Variants in GLIS3 observed in about 807,000 individuals in gnomAD.
GLIS3 encodes the protein zinc finger protein GLIS3.
A neutral mutation model predicts 78.6 loss-of-function variants in GLIS3; 53 were observed. The ratio of observed to expected loss-of-function variants is 0.67; its 90% CI spans 0.54 to 0.85. The LOEUF is 0.85. Among genes scored for constraint, GLIS3 ranks in the 40% least tolerant of loss-of-function variants. GLIS3 has a pLI of 0.00. For missense variants in GLIS3, 1,703 were observed against 1,231.1 expected (o/e 1.38, Z -5.74); for synonymous variants, 684 against 509.9 (o/e 1.34, Z -4.60).
chr9:3,879,718 G>C (rs543273086), intron 7 of GLIS3, 123 bp from the exon 8 acceptor site: 1 of 1,023,144 alleles, frequency 9.8e-7, no homozygotes, highest in Non-Finnish European at 1.5e-6. Flanking sequence ...GTGGTTTTCA[G>C]GGAACAGTTC....
At chr9:4,059,050 G>A (rs377442411) in intron 4 of GLIS3, among the ~76,000 whole-genome samples, 79 of 152,028 alleles carry the variant, frequency 5.2e-4, no homozygotes, top group African/African-American at 1.6e-3. Context: ...GCTAGTTGAC[G>A]AAGGGGACCC....
chr9:3,950,835 T>C (rs1183510547), intron 4 of GLIS3, among the ~76,000 whole-genome samples: 1 of 152,236 alleles, frequency 6.6e-6, no homozygotes, highest in Non-Finnish European at 1.5e-5. Context: ...AAGTTATTCA[T>C]ATTAAAATGC....
At chr9:4,015,933 G>A (rs894964762) in intron 4 of GLIS3, among the ~76,000 whole-genome samples, 12 of 147,614 alleles carry the variant, frequency 8.1e-5, no homozygotes, top group South Asian at 2.2e-4. Flanking sequence ...CACAACAACC[G>A]TCATAACCAA....
chr9:3,970,143 T>C (rs1464412176), intron 4 of GLIS3, among the ~76,000 whole-genome samples: 3 of 152,224 alleles, frequency 2.0e-5, no homozygotes, highest in Non-Finnish European at 4.4e-5. Context: ...AGGGTGGTTT[T>C]CAGAGCTGGT....
chr9:4,118,776 G>C lies in GLIS3; in HGVS notation c.702C>G (p.Leu234=). ...GAGAGCCGTGGTTGGAGAGCGAAGG[G>C]AGGGCCCTGTAGCCCTGGGACCACT... The part of the protein sequence containing the change: ...KQEWSQGYRA[L]PSLSNHGSQN... The change falls in exon 4 of 11, where the codon CTC becomes CTG. Residue 234 remains leucine, a synonymous_variant. Transcript: ENST00000381971. The surrounding 1 kb of genome is among the most constrained non-coding windows in gnomAD (Gnocchi z 4.7). 8 of 1,612,816 alleles carry C rather than the reference G, an allele frequency of 5.0e-6. No homozygotes were observed. Among genetic ancestry groups the C allele is most frequent in the Non-Finnish European group, 6.8e-6 (8 of 1,180,022 alleles).
At chr9:4,428,923 T>C in the GLIS3 span, among the ~76,000 whole-genome samples, 2 of 152,106 alleles carry the variant, frequency 1.3e-5, no homozygotes, top group African/African-American at 4.8e-5. Context: ...CCCATACCAA[T>C]TCATCACTAA....
chr9:4,051,474 A>C (rs1825743877), intron 4 of GLIS3, among the ~76,000 whole-genome samples: 1 of 152,152 alleles, frequency 6.6e-6, no homozygotes, highest in Non-Finnish European at 1.5e-5. Flanking sequence ...TCCCTTGAAA[A>C]ATGTAGCCAA....
intron 2 of GLIS3, among the ~76,000 whole-genome samples, chr9:4,234,818 G>C (rs537737999): frequency 6.6e-6 from 1 of 152,274 alleles, no homozygotes; most frequent in African/African-American, 2.4e-5. Context: ...TAAGTGACCT[G>C]CTCAAGGTCA....
intron 2 of GLIS3, among the ~76,000 whole-genome samples, chr9:4,276,625 T>G (rs1827055252): frequency 6.6e-6 from 1 of 152,056 alleles, no homozygotes; most frequent in African/African-American, 2.4e-5. Context: ...CTGCTTCATG[T>G]CCTGTAGCAT....
chr9:3,963,096 A>G (rs1212481595), intron 4 of GLIS3, among the ~76,000 whole-genome samples: 1 of 152,194 alleles, frequency 6.6e-6, no homozygotes, highest in African/African-American at 2.4e-5. Flanking sequence ...ATTACATGGT[A>G]TAAATAAGGG....
At chr9:4,132,681 C>T (rs1833067243) in intron 2 of GLIS3, among the ~76,000 whole-genome samples, 1 of 151,964 alleles carries the variant, frequency 6.6e-6, no homozygotes. Context: ...AGATGCACAC[C>T]AAACCAACCA....
intron 2 of GLIS3, among the ~76,000 whole-genome samples, chr9:4,261,744 C>G (rs117421312): frequency 6.6e-6 from 1 of 152,140 alleles, no homozygotes; most frequent in African/African-American, 2.4e-5. Flanking sequence ...AACGCAATTC[C>G]CATTTCAGAG....
At chr9:4,321,962 T>G (rs1312038560) in intron 2 of GLIS3, among the ~76,000 whole-genome samples, 4 of 152,138 alleles carry the variant, frequency 2.6e-5, no homozygotes, top group African/African-American at 9.7e-5. Flanking sequence ...AAGTGCAGTG[T>G]TGGTGAGCTG....
At chr9:4,334,873 G>C (rs1047395262) in intron 2 of GLIS3, among the ~76,000 whole-genome samples, 2 of 147,698 alleles carry the variant, frequency 1.4e-5, no homozygotes, top group Non-Finnish European at 1.5e-5. Flanking sequence ...ACTACAATAA[G>C]AGCAGCTCTC....
chr9:4,264,326 C>T (rs867071915), intron 2 of GLIS3, among the ~76,000 whole-genome samples: 1 of 152,202 alleles, frequency 6.6e-6, no homozygotes, highest in Non-Finnish European at 1.5e-5. Context: ...TGATGCTAGT[C>T]CCAGCGACCA....
intron 2 of GLIS3, among the ~76,000 whole-genome samples, chr9:4,190,576 G>A (rs954100407): frequency 6.7e-6 from 1 of 148,680 alleles, no homozygotes; most frequent in Non-Finnish European, 1.5e-5. Flanking sequence ...TGAAAGTGAC[G>A]GGGAGAATGG....
intron 4 of GLIS3, among the ~76,000 whole-genome samples, chr9:4,042,122 G>T (rs528061027): frequency 1.3e-5 from 2 of 152,206 alleles, no homozygotes; most frequent in South Asian, 2.1e-4. Context: ...CAAAAGCTTG[G>T]GTTTTTGTTT....
At chr9:4,178,532 G>C (rs1198148636) in intron 2 of GLIS3, among the ~76,000 whole-genome samples, 2 of 152,162 alleles carry the variant, frequency 1.3e-5, no homozygotes. Flanking sequence ...ACAGAGCTTT[G>C]GTGAGCTTTG....
At chr9:4,248,080 C>G (rs925741981) in intron 2 of GLIS3, among the ~76,000 whole-genome samples, 1 of 152,096 alleles carries the variant, frequency 6.6e-6, no homozygotes, top group Non-Finnish European at 1.5e-5. Context: ...CATTATTCTT[C>G]TATGAATTCA....
Sources: gnomAD v4.1 joint callset for allele counts (sites outside exome capture counted in the v4.1 genomes callset) on GRCh38, gnomAD v4.1.1 for gene constraint, Gnocchi (gnomAD v3.1) non-coding constraint, MANE v1.5 for transcripts, NCBI Gene and HGNC (gene_info 2026-07-23, HGNC 2026-07-21) for gene names.